SLC26A7: variants seen among roughly 807,000 people sequenced by gnomAD.
SLC26A7 encodes the protein anion exchange transporter.
A neutral mutation model predicts 82.5 loss-of-function variants in SLC26A7; 59 were observed. The ratio of observed to expected loss-of-function variants is 0.72; its 90% CI spans 0.58 to 0.89. The LOEUF (loss-of-function observed/expected upper bound fraction) is 0.89. SLC26A7 is among the 40% of genes least tolerant of loss of function. The pLI is 0.00. For missense variants in SLC26A7, 820 were observed against 793.0 expected (o/e 1.03, Z -0.41); for synonymous variants, 271 against 274.3 (o/e 0.99, Z 0.12).
At chr8:91,233,087 G>A (rs910401427) in intron 2 of SLC26A7, among the ~76,000 whole-genome samples, 43 of 152,132 alleles carry the variant, frequency 2.8e-4, no homozygotes, top group African/African-American at 1.0e-3. Context: ...TTTAAATTGT[G>A]CTTTTTGATA....
At chr8:91,328,870 TG>T (rs1813002966) in intron 5 of SLC26A7, among the ~76,000 whole-genome samples, 1 of 152,144 alleles carries the variant, frequency 6.6e-6, no homozygotes, top group African/African-American at 2.4e-5. Context: ...TACCTCAAGA[TG>T]GATTGTTTAT....
chr8:91,315,316 C>T (rs1322355824), intron 4 of SLC26A7, among the ~76,000 whole-genome samples: 1 of 152,094 alleles, frequency 6.6e-6, no homozygotes, highest in Non-Finnish European at 1.5e-5. Context: ...TAATTTCATC[C>T]TCATGGCCTG....
intron 1 of SLC26A7, among the ~76,000 whole-genome samples, chr8:91,212,325 G>A (rs1435205049): frequency 6.6e-6 from 1 of 151,918 alleles, no homozygotes; most frequent in Non-Finnish European, 1.5e-5. Flanking sequence ...TTATAGTTTC[G>A]TTAGTTGAAC....
intron 4 of SLC26A7, among the ~76,000 whole-genome samples, chr8:91,311,289 A>G (rs1488715599): frequency 1.3e-5 from 2 of 152,174 alleles, no homozygotes; most frequent in African/African-American, 4.8e-5. Flanking sequence ...GATTCCATTT[A>G]AATAACCTTC....
chr8:91,343,957 T>A, intron 9 of SLC26A7: 1 of 743,326 alleles, frequency 1.3e-6, no homozygotes, highest in Non-Finnish European at 1.6e-6. Context: ...CAAATCAATT[T>A]GACATCTATT....
chr8:91,310,459 G>T (rs1006873262), intron 4 of SLC26A7, among the ~76,000 whole-genome samples: 1 of 152,120 alleles, frequency 6.6e-6, no homozygotes, highest in Non-Finnish European at 1.5e-5. Flanking sequence ...GATTTGGCAG[G>T]ATGGTATCCC....
intron 4 of SLC26A7, among the ~76,000 whole-genome samples, chr8:91,311,378 T>C (rs1387177264): frequency 6.6e-6 from 1 of 152,132 alleles, no homozygotes; most frequent in African/African-American, 2.4e-5. Context: ...TATCATATTC[T>C]ACATTCCATT....
chr8:91,233,510 T>G (rs901468695), intron 2 of SLC26A7, among the ~76,000 whole-genome samples: 1 of 151,144 alleles, frequency 6.6e-6, no homozygotes, highest in Non-Finnish European at 1.5e-5. Context: ...GAGGTTGTAG[T>G]GAGTGGAGAT....
intron 4 of SLC26A7, among the ~76,000 whole-genome samples, chr8:91,306,744 C>T (rs1812320281): frequency 6.6e-6 from 1 of 151,254 alleles, no homozygotes; most frequent in South Asian, 2.1e-4. Flanking sequence ...GAGTCTCACT[C>T]TGTTGCTCAG....
In SLC26A7 at chr8:91,358,264, A is replaced by G. The variant is rs536759958; in HGVS notation, c.1315-4089A>G. Among the ~76,000 whole-genome samples the G allele has an allele frequency of 5.9e-5, 9 of 152,272 alleles. No individual in the cohort carries two copies. In the South Asian group the frequency reaches 1.0e-3, roughly 18 times the overall value. On this transcript the variant is annotated intron_variant, in intron 11 of 18. Coordinates refer to ENST00000276609, the MANE Select transcript of SLC26A7 (RefSeq NM_052832.4). ...ACCCAGCCATCCCATTACTGGGTAT[A>G]TACCCAAAGGAATATAAATCATGCT...
intron 15 of SLC26A7, among the ~76,000 whole-genome samples, chr8:91,378,704 T>C (rs1294100734): frequency 6.6e-6 from 1 of 151,650 alleles, no homozygotes; most frequent in Non-Finnish European, 1.5e-5. Context: ...CTCATGACCA[T>C]ACACTGGGTC....
intron 1 of SLC26A7, chr8:91,218,808 C>A: frequency 2.3e-6 from 2 of 860,998 alleles, no homozygotes; most frequent in South Asian, 2.0e-5. Flanking sequence ...GTTCTGAAAC[C>A]TCTGAGAAAG....
At chr8:91,248,369 G>T (rs1810577787), upstream of SLC26A7, among the ~76,000 whole-genome samples, 1 of 152,194 alleles carries the variant, frequency 6.6e-6, no homozygotes, top group Non-Finnish European at 1.5e-5. Flanking sequence ...AGTGCAGCAG[G>T]AGGGATCCAA....
intron 6 of SLC26A7, among the ~76,000 whole-genome samples, chr8:91,335,003 T>C (rs987907395): frequency 8.5e-5 from 13 of 152,326 alleles, no homozygotes; most frequent in African/African-American, 2.6e-4. Flanking sequence ...ATTTTGCTCC[T>C]AAGGCTTGTG....
chr8:91,280,674 C>T (rs980879581), intron 2 of SLC26A7, among the ~76,000 whole-genome samples: 2 of 152,092 alleles, frequency 1.3e-5, no homozygotes, highest in African/African-American at 4.8e-5. Flanking sequence ...TGCTCTTTTC[C>T]CCTACTTTTT....
intron 6 of SLC26A7, among the ~76,000 whole-genome samples, chr8:91,336,460 C>T (rs969280786): frequency 2.0e-5 from 3 of 152,052 alleles, no homozygotes; most frequent in Non-Finnish European, 4.4e-5. Flanking sequence ...TTATGATAAT[C>T]TAGTGCCTGA....
At chr8:91,252,718 T>C (rs1434655943) in intron 2 of SLC26A7, among the ~76,000 whole-genome samples, 2 of 152,152 alleles carry the variant, frequency 1.3e-5, no homozygotes, top group Non-Finnish European at 2.9e-5. Flanking sequence ...AGATTATCAT[T>C]AAAATGTGAT....
intron 4 of SLC26A7, among the ~76,000 whole-genome samples, chr8:91,312,780 G>A (rs978725877): frequency 2.0e-5 from 3 of 151,914 alleles, no homozygotes; most frequent in African/African-American, 4.8e-5. Flanking sequence ...GTGCTTATTG[G>A]ACATTTGTAC....
At chr8:91,371,010 T>A (rs1814344333) in intron 15 of SLC26A7, among the ~76,000 whole-genome samples, 1 of 151,942 alleles carries the variant, frequency 6.6e-6, no homozygotes, top group East Asian at 1.9e-4. Context: ...TAGTTACAAA[T>A]GTGTTAGATT....
Sources: gnomAD v4.1 joint callset for allele counts (sites outside exome capture counted in the v4.1 genomes callset) on GRCh38, gnomAD v4.1.1 for gene constraint, MANE v1.5 for transcripts, NCBI Gene and HGNC (gene_info 2026-07-23, HGNC 2026-07-21) for gene names.